The following NPIPA5 variants were observed in gnomAD, a reference collection of about 807,000 sequenced individuals.
The protein encoded by NPIPA5 is nuclear pore complex-interacting protein family member A5.
In NPIPA5, 6 loss-of-function variants were observed where a neutral mutation model predicts 21.4. That is an observed-to-expected ratio of 0.28 (90% CI 0.15 to 0.55). NPIPA5 has a LOEUF of 0.55. NPIPA5 is among the 20% of genes least tolerant of loss of function. The pLI is 0.93. For missense variants in NPIPA5, 99 were observed against 318.2 expected (o/e 0.31, Z 5.24); for synonymous variants, 33 against 115.3 (o/e 0.29, Z 4.57).
chr16:15,372,560 A>T (rs2150869565), intron 2 of NPIPA5, among the ~76,000 whole-genome samples: 1 of 146,260 alleles, frequency 6.8e-6, no homozygotes, highest in East Asian at 2.0e-4. Flanking sequence ...TAAGTGGCAT[A>T]GAGAATGTTA....
chr16:15,375,216 A>ACT (rs1454992637), intron 1 of NPIPA5, among the ~76,000 whole-genome samples: 1 of 151,694 alleles, frequency 6.6e-6, no homozygotes, highest in African/African-American at 2.4e-5. Context: ...GGTGTGAGCC[A>ACT]CTGCACCTGG....
rs909070844 is a variant in NPIPA5 at position 15,371,399 on chromosome 16, T to G, written c.193-1280A>C. ...AGATTTCCATATTATCACAGTATGCTTTTAATCTTCGAAGATATTAAATAT... is the reference window on the plus strand; with the variant it reads ...AGATTTCCATATTATCACAGTATGCGTTTAATCTTCGAAGATATTAAATAT... On this transcript the variant is annotated intron_variant, in intron 2 of 7. Coordinates refer to ENST00000360151, the MANE Select transcript of NPIPA5 (RefSeq NM_001277325.2). Among the ~76,000 whole-genome samples, 59 of 148,150 alleles carry G rather than the reference T, an allele frequency of 4.0e-4. 4 individuals carry two copies. Among genetic ancestry groups the G allele is most frequent in the Non-Finnish European group, 5.2e-4 (35 of 67,240 alleles).
intron 2 of NPIPA5, among the ~76,000 whole-genome samples, chr16:15,371,277 C>G (rs2050149617): frequency 7.0e-6 from 1 of 142,704 alleles, no homozygotes; most frequent in South Asian, 2.3e-4. Context: ...TGTCCCTGCT[C>G]TACTCAGAGT....
chr16:15,373,495 G>C (rs1280733911), intron 2 of NPIPA5, among the ~76,000 whole-genome samples: 17 of 134,532 alleles, frequency 1.3e-4, no homozygotes, highest in African/African-American at 2.2e-4. Flanking sequence ...ACTTATTTTT[G>C]ACCAAAAGCT....
chr16:15,363,794 C>A lies in NPIPA5; in HGVS notation c.918G>T (p.Lys306Asn). Residue 306 changes from lysine (K) to asparagine (N), a missense_variant, in exon 8 of 8, where the codon AAG becomes AAT. Transcript: ENST00000360151. ...SALPSADDNL[K>N]TPAECLLTPL... is the part of the protein sequence containing the mutation. ...GAGTGAGCAGACACTCGGCAGGTGTCTTGAGATTATCATCCGCTGAGGGTA... is the reference window on the plus strand; with the variant it reads ...GAGTGAGCAGACACTCGGCAGGTGTATTGAGATTATCATCCGCTGAGGGTA... 1 of 1,340,982 alleles carries A rather than the reference C, an allele frequency of 7.5e-7. No homozygotes were observed. The highest frequency in any genetic ancestry group is 9.9e-7 in the Non-Finnish European group (1 of 1,014,436). 83.1% of individuals were successfully genotyped at this position (1,340,982 alleles called of 1,614,324 possible).
Position 15,370,998 on chromosome 16 carries a change from G to A in NPIPA5, c.193-879C>T, listed in dbSNP as rs1462119712. ...AGAGGCAGAGGTTGCAGTGAGCCAAGATCCCACCACTGCACTCCAGCCTGG... is the reference window on the plus strand; with the variant it reads ...AGAGGCAGAGGTTGCAGTGAGCCAAAATCCCACCACTGCACTCCAGCCTGG... On this transcript the variant is annotated intron_variant, in intron 2 of 7. Transcript: ENST00000360151. Among the ~76,000 whole-genome samples the A allele has an allele frequency of 6.7e-4, 73 of 108,964 alleles. 1 individual carries two copies. Among genetic ancestry groups the A allele is most frequent in the Non-Finnish European group, 1.2e-3 (64 of 53,356 alleles). The allele number at this position is 108,964 out of a possible 152,430, so 71.5% of individuals were successfully genotyped here.
At position 15,363,868 on chromosome 16, in the gene NPIPA5, G is replaced by C; in HGVS notation, c.844C>G (p.Leu282Val). ...YPLPPSADDNLKTPPECLLTP... is the reference protein window; with the variant it reads ...YPLPPSADDNVKTPPECLLTP... ...AGCAGACACTCGGGAGGTGTCTTGA[G>C]ATTATCATCCGCTGAGGGTGGAAGG... Residue 282 changes from leucine to valine, a missense_variant, in exon 8 of 8, where the codon CTC (leucine) becomes GTC (valine). Coordinates refer to ENST00000360151, the MANE Select transcript of NPIPA5 (RefSeq NM_001277325.2). 1 of 1,602,942 alleles carries C rather than the reference G, an allele frequency of 6.2e-7. No individual in the cohort carries two copies. Among genetic ancestry groups the C allele is most frequent in the East Asian group, 2.3e-5 (1 of 44,168 alleles).
intron 1 of NPIPA5, among the ~76,000 whole-genome samples, chr16:15,377,583 G>A (rs1381361039): frequency 1.4e-5 from 2 of 141,564 alleles, no homozygotes; most frequent in Non-Finnish European, 3.1e-5. Flanking sequence ...GCTTAGGGCA[G>A]GGCGGAGGGA....
chr16:15,370,272 C>G (rs1229132879), intron 2 of NPIPA5, among the ~76,000 whole-genome samples, 153 bp from the exon 3 acceptor site: 3 of 143,940 alleles, frequency 2.1e-5, no homozygotes, highest in Non-Finnish European at 4.5e-5. Context: ...ACTAAAAATA[C>G]AAAAATTAGC....
chr16:15,369,267 AC>A (rs949621760), intron 4 of NPIPA5, among the ~76,000 whole-genome samples: 2 of 148,824 alleles, frequency 1.3e-5, no homozygotes, highest in Non-Finnish European at 3.0e-5. Flanking sequence ...ACCAGTCTGG[AC>A]AACATGGTGA....
chr16:15,366,001 A>G lies in NPIPA5; in HGVS notation c.546-367T>C, dbSNP rs1164899319. On this transcript the variant is annotated intron_variant, in intron 5 of 7. Coordinates refer to ENST00000360151, the MANE Select transcript of NPIPA5 (RefSeq NM_001277325.2). The stretch of plus-strand genomic sequence containing the variant: ...GGGGAATCATTTGAACCTGGGAGGC[A>G]GAGGTTGCAATGAGCCAAGATCACG... Among the ~76,000 whole-genome samples the G allele has an allele frequency of 8.7e-5, 5 of 57,378 alleles. 2 individuals are homozygous for G. Among genetic ancestry groups the G allele is most frequent in the African/African-American group, 2.3e-4 (5 of 21,442 alleles). The allele number at this position is 57,378 out of a possible 152,430, so 37.6% of individuals were successfully genotyped here. A position where few individuals can be genotyped will look rare whatever the true frequency, so the allele number is the denominator to read the frequency against.
intron 4 of NPIPA5, among the ~76,000 whole-genome samples, chr16:15,369,275 G>A (rs930125178): frequency 6.7e-6 from 1 of 149,142 alleles, no homozygotes; most frequent in African/African-American, 2.4e-5. Flanking sequence ...GGACAACATG[G>A]TGAAACCCCA....
intron 2 of NPIPA5, among the ~76,000 whole-genome samples, chr16:15,370,751 C>CAA (rs1307591913): frequency 3.8e-5 from 4 of 104,634 alleles, no homozygotes; most frequent in South Asian, 3.3e-4. Flanking sequence ...AACTCTGTCT[C>CAA]AAAAAAAAAA....
At chr16:15,370,526 C>T (rs1218590977) in intron 2 of NPIPA5, among the ~76,000 whole-genome samples, 2 of 145,050 alleles carry the variant, frequency 1.4e-5, no homozygotes, top group South Asian at 2.3e-4. Context: ...CCGAGGCAGG[C>T]GGAACACCTG....
At position 15,370,788 on chromosome 16, in the gene NPIPA5, C is replaced by T. The variant is rs546167027; in HGVS notation, c.193-669G>A. 1.2e-4 allele frequency among the ~76,000 whole-genome samples: 18 copies of T among 147,852 alleles called. No individual in the cohort carries two copies. The East Asian group carries it at 1.4e-3, about 12-fold the overall frequency. On this transcript the variant is annotated intron_variant, in intron 2 of 7. Coordinates refer to ENST00000360151, the MANE Select transcript of NPIPA5 (RefSeq NM_001277325.2). ...AAAATAGGCCAGGTGCGGTAGCTCA[C>T]GCCTGTAATCCCAGCACTTTGGGAG...
At chr16:15,379,378 G>A (rs1193098214), upstream of NPIPA5, among the ~76,000 whole-genome samples, 2 of 151,460 alleles carry the variant, frequency 1.3e-5, no homozygotes, top group Non-Finnish European at 2.9e-5. Context: ...GACCAGCCTG[G>A]CCAATATGGT....
intron 1 of NPIPA5, among the ~76,000 whole-genome samples, chr16:15,377,581 C>A (rs1380019501): frequency 7.4e-6 from 1 of 135,646 alleles, no homozygotes; most frequent in South Asian, 2.7e-4. Context: ...TGGCTTAGGG[C>A]AGGGCGGAGG....
At position 15,376,099 on chromosome 16, in the gene NPIPA5, A is replaced by G. The variant is rs539131958; in HGVS notation, c.63+2133T>C. On this transcript the variant is annotated intron_variant, in intron 1 of 7. Coordinates refer to ENST00000360151, the MANE Select transcript of NPIPA5 (RefSeq NM_001277325.2). ...TTTCAGAAATACGGTGTTGAGCAGA[A>G]TAAAGCAGACACAAAAGAGTACCTA... is the stretch of plus-strand genomic sequence containing the variant. 3.3e-5 allele frequency among the ~76,000 whole-genome samples: 5 copies of G among 152,274 alleles called. No homozygotes were observed. The East Asian group carries it at 9.7e-4, about 29-fold the overall frequency.
At position 15,376,149 on chromosome 16, in the gene NPIPA5, T is replaced by C. The variant is rs375233224; in HGVS notation, c.63+2083A>G. Among the ~76,000 whole-genome samples, 271 of 151,578 alleles carry C rather than the reference T, an allele frequency of 1.8e-3. 4 individuals are homozygous for C. The highest frequency in any genetic ancestry group is 0.014 in the East Asian group (71 of 5,124). The stretch of plus-strand genomic sequence containing the variant: ...ATGGCATGGCATGCATCTGTATACG[T>C]GAAATTCCAGAATAAGCAAGCTAAC... On this transcript the variant is annotated intron_variant, in intron 1 of 7. Coordinates refer to ENST00000360151, the MANE Select transcript of NPIPA5 (RefSeq NM_001277325.2).
Sources: allele counts gnomAD v4.1 joint callset (sites outside exome capture counted in the v4.1 genomes callset), GRCh38; gene constraint gnomAD v4.1.1; transcripts MANE v1.5; gene names NCBI Gene and HGNC (gene_info 2026-07-23, HGNC 2026-07-21).